CCDC92: variants seen among roughly 807,000 people sequenced by gnomAD.
The protein encoded by CCDC92 is coiled-coil domain containing 92, also known as coiled-coil domain-containing protein 92.
In CCDC92, 12 loss-of-function variants were observed where a neutral mutation model predicts 24.9. The observed-to-expected ratio is 0.48, with a 90% CI of 0.31 to 0.78. CCDC92 has a LOEUF of 0.78. CCDC92 is among the 30% of genes least tolerant of loss of function. The pLI is 0.05. For synonymous variants in CCDC92, 193 were observed against 196.3 expected, an observed-to-expected ratio of 0.98 and a Z score of 0.14; for missense variants, 399 against 439.4, an observed-to-expected ratio of 0.91 and a Z score of 0.82.
chr12:123,944,209 T>TGC, intron 2 of CCDC92, 63 bp downstream of exon 2: 1 of 1,055,468 alleles, frequency 9.5e-7, no homozygotes, highest in Non-Finnish European at 1.5e-6. Context: ...CTGTCCCCAA[T>TGC]GCTTGGCCCC....
At chr12:123,964,103 A>ATACTAC (rs1956336291) in intron 1 of CCDC92, among the ~76,000 whole-genome samples, 1 of 152,242 alleles carries the variant, frequency 6.6e-6, no homozygotes, top group Admixed American at 6.5e-5. Context: ...ACAGAAATTG[A>ATACTAC]AGTAATTAGT....
At chr12:123,964,475 G>A (rs1956345426) in intron 1 of CCDC92, among the ~76,000 whole-genome samples, 1 of 152,084 alleles carries the variant, frequency 6.6e-6, no homozygotes, top group Non-Finnish European at 1.5e-5. Context: ...AAGCAGCTTT[G>A]AGCCAGACAC....
intron 1 of CCDC92, among the ~76,000 whole-genome samples, chr12:123,947,791 T>A (rs1016750578): frequency 5.9e-5 from 9 of 152,154 alleles, no homozygotes; most frequent in Non-Finnish European, 1.3e-4. Context: ...GAGCCAGCAG[T>A]GGCAACCCGC....
At chr12:123,959,029 C>T (rs1038189218) in intron 1 of CCDC92, among the ~76,000 whole-genome samples, 1 of 152,180 alleles carries the variant, frequency 6.6e-6, no homozygotes, top group Admixed American at 6.5e-5. Context: ...CGAGCTATAG[C>T]GGCATAGCAG....
At chr12:123,969,019 A>G (rs1435736673) in intron 1 of CCDC92, among the ~76,000 whole-genome samples, 1 of 152,242 alleles carries the variant, frequency 6.6e-6, no homozygotes, top group Non-Finnish European at 1.5e-5. Context: ...TGGTGTTCAC[A>G]GGCAACTCTG....
At chr12:123,960,977 G>A (rs1236998103) in intron 1 of CCDC92, 1 of 152,232 alleles carries the variant, frequency 6.6e-6, no homozygotes, top group Non-Finnish European at 1.5e-5. Context: ...ATCTGGAGGT[G>A]AAAGATCAAG....
At chr12:123,960,475 A>G (rs971188694) in intron 1 of CCDC92, among the ~76,000 whole-genome samples, 1 of 152,252 alleles carries the variant, frequency 6.6e-6, no homozygotes, top group South Asian at 2.1e-4. Context: ...TCTCTGGTGC[A>G]GCTTACTGAC....
Position 123,936,970 on chromosome 12 carries a change from T to C in CCDC92, c.*88A>G. The C allele has an allele frequency of 2.1e-6, 3 of 1,453,250 alleles. No homozygotes were observed. Among genetic ancestry groups the C allele is most frequent in the Non-Finnish European group, 1.9e-6 (2 of 1,057,132 alleles). The allele number at this position is 1,453,250 out of a possible 1,614,324, so 90.0% of individuals were successfully genotyped here. A position where few individuals can be genotyped will look rare whatever the true frequency, so the allele number is the denominator to read the frequency against. ...CGGTAGGTGTGAAAAGTGTTTGGCATGCATGGGATTAAACAGAAAAGGTGT... is the reference window on the plus strand; with the variant it reads ...CGGTAGGTGTGAAAAGTGTTTGGCACGCATGGGATTAAACAGAAAAGGTGT... On this transcript the variant is annotated 3_prime_UTR_variant, in exon 5 of 5. Transcript: ENST00000238156.
chr12:123,959,312 G>A (rs539517930), intron 1 of CCDC92, among the ~76,000 whole-genome samples: 1 of 151,958 alleles, frequency 6.6e-6, no homozygotes, highest in African/African-American at 2.4e-5. Flanking sequence ...ATGTCTGACT[G>A]CCAGGCTTGC....
intron 4 of CCDC92, among the ~76,000 whole-genome samples, chr12:123,941,035 G>A (rs1446047685): frequency 6.6e-6 from 1 of 152,128 alleles, no homozygotes; most frequent in African/African-American, 2.4e-5. Context: ...GGGTGGGCAG[G>A]TGGCCTTGGG....
rs1227774908 is a variant in CCDC92 at position 123,972,552 on chromosome 12, C to T, written c.-83G>A. 1 of 151,516 alleles carries T rather than the reference C, an allele frequency of 6.6e-6. No individual in the cohort carries two copies. Among genetic ancestry groups the T allele is most frequent in the Non-Finnish European group, 1.5e-5 (1 of 67,838 alleles). 9.4% of individuals were successfully genotyped at this position (151,516 alleles called of 1,614,324 possible). A position where few individuals can be genotyped will look rare whatever the true frequency, so the allele number is the denominator to read the frequency against. On this transcript the variant is annotated 5_prime_UTR_variant, in exon 1 of 5. Coordinates refer to ENST00000238156, the MANE Select transcript of CCDC92 (RefSeq NM_025140.3). Reference sequence around the variant, plus strand: ...ACCTGCGGGCGCCGCCGTCGCGTTCCTTCAGGCGGCTGCCCTCTTAGGCTC... The same window carrying T: ...ACCTGCGGGCGCCGCCGTCGCGTTCTTTCAGGCGGCTGCCCTCTTAGGCTC...
At chr12:123,959,726 C>T (rs1255878543) in intron 1 of CCDC92, among the ~76,000 whole-genome samples, 2 of 152,202 alleles carry the variant, frequency 1.3e-5, no homozygotes, top group Non-Finnish European at 2.9e-5. Flanking sequence ...GTAGCTGTTG[C>T]GGCCACATGT....
chr12:123,944,602 C>T (rs1012902130), intron 1 of CCDC92: 5 of 342,670 alleles, frequency 1.5e-5, no homozygotes, highest in African/African-American at 4.3e-5. Context: ...ATTATCTGTA[C>T]GACCAGTGAC....
chr12:123,942,369 C>CG (rs1230882008), intron 4 of CCDC92, among the ~76,000 whole-genome samples: 1 of 152,230 alleles, frequency 6.6e-6, no homozygotes, highest in Non-Finnish European at 1.5e-5. Flanking sequence ...CACGGAGGAG[C>CG]GGGGGCGGTT....
chr12:123,963,742 C>T (rs1242636883), intron 1 of CCDC92, among the ~76,000 whole-genome samples: 2 of 152,168 alleles, frequency 1.3e-5, no homozygotes, highest in East Asian at 1.9e-4. Flanking sequence ...CGTATTTCCA[C>T]AGAAATTAAG....
rs542316297 is a variant in CCDC92 at position 123,944,122 on chromosome 12, G to T, written c.34+150C>A. ...AGCCCCCTGCACTTCACAGCACTGAGAGGAGCCACAGATCCTTCTTGGGAA... is the reference window on the plus strand; with the variant it reads ...AGCCCCCTGCACTTCACAGCACTGATAGGAGCCACAGATCCTTCTTGGGAA... On this transcript the variant is annotated intron_variant, in intron 2 of 4. Coordinates refer to ENST00000238156, the MANE Select transcript of CCDC92 (RefSeq NM_025140.3). The T allele has an allele frequency of 6.1e-6, 4 of 651,782 alleles. No individual in the cohort carries two copies. The South Asian group carries it at 6.8e-5, about 11-fold the overall frequency. 40.4% of individuals were successfully genotyped at this position (651,782 alleles called of 1,614,324 possible). A position where few individuals can be genotyped will look rare whatever the true frequency, so the allele number is the denominator to read the frequency against.
chr12:123,950,996 C>T (rs1488786087), intron 1 of CCDC92, among the ~76,000 whole-genome samples: 1 of 152,204 alleles, frequency 6.6e-6, no homozygotes, highest in Non-Finnish European at 1.5e-5. Context: ...TGCTTGTCAA[C>T]ACTCGGGTCC....
At chr12:123,966,727 G>A (rs186976669) in intron 1 of CCDC92, 2 of 152,346 alleles carry the variant, frequency 1.3e-5, no homozygotes, top group Admixed American at 1.3e-4. Flanking sequence ...GACTCAAGAT[G>A]GTCACTGCAC....
At chr12:123,940,444 G>A (rs969337734) in intron 4 of CCDC92, among the ~76,000 whole-genome samples, 4 of 152,190 alleles carry the variant, frequency 2.6e-5, no homozygotes, top group Non-Finnish European at 4.4e-5. Flanking sequence ...CCGGGCTGAT[G>A]TTTACCGGCC....
Sources: allele counts gnomAD v4.1 joint callset (sites outside exome capture counted in the v4.1 genomes callset), GRCh38; gene constraint gnomAD v4.1.1; transcripts MANE v1.5; gene names NCBI Gene and HGNC (gene_info 2026-07-23, HGNC 2026-07-21).